Variants in LYPD6 observed in about 807,000 individuals in gnomAD.
The protein encoded by LYPD6 is LY6/PLAUR domain containing 6.
In LYPD6, 15 loss-of-function variants were observed where a neutral mutation model predicts 22.7. That is an observed-to-expected ratio of 0.66 (90% confidence interval 0.44 to 1.02). The LOEUF is 1.02. LYPD6 is among the 50% of genes least tolerant of loss of function. The probability of loss-of-function intolerance (pLI) is 0.00; values close to 1 mark genes in which losing one functional copy is unlikely to be tolerated. For synonymous variants in LYPD6, 72 were observed against 77.5 expected, an observed-to-expected ratio of 0.93 and a Z score of 0.37; for missense variants, 189 against 208.4, an observed-to-expected ratio of 0.91 and a Z score of 0.57.
In LYPD6 at chr2:149,441,397, A is replaced by C. The variant is rs191990840; in HGVS notation, c.118+3571A>C. On this transcript the variant is annotated intron_variant, in intron 2 of 4. Coordinates refer to ENST00000334166, the MANE Select transcript of LYPD6 (RefSeq NM_194317.5). ...GACACACACATTTTCTGTACCAGAC[A>C]AACAGAAGCTATTTTCTCCTCATTC... 1.3e-3 allele frequency among the ~76,000 whole-genome samples: 193 copies of C among 152,280 alleles called. 2 individuals carry two copies. Among genetic ancestry groups the C allele is most frequent in the Non-Finnish European group, 6.0e-4 (41 of 68,012 alleles).
chr2:149,364,451 C>T lies in LYPD6; in HGVS notation c.-72+33729C>T, dbSNP rs1161745424. 3.9e-5 allele frequency among the ~76,000 whole-genome samples: 6 copies of T among 152,122 alleles called. No homozygotes were observed. The East Asian group carries it at 1.2e-3, about 29-fold the overall frequency. On this transcript the variant is annotated intron_variant, in intron 1 of 4. Coordinates refer to ENST00000334166, the MANE Select transcript of LYPD6 (RefSeq NM_194317.5). ...AATTAATGAGTTTTGGCTGAGATGACACCTGACTTTTTACAGCATCTTGTT... is the reference window on the plus strand; with the variant it reads ...AATTAATGAGTTTTGGCTGAGATGATACCTGACTTTTTACAGCATCTTGTT...
chr2:149,458,822 TGGAAGGAACAAA>T (rs1455578172), intron 3 of LYPD6, among the ~76,000 whole-genome samples: 2 of 152,110 alleles, frequency 1.3e-5, no homozygotes, highest in African/African-American at 4.8e-5. Flanking sequence ...AACAGCAGAA[TGGAAGGAACAAA>T]GGGAAGAATT....
chr2:149,482,173 G>C, the LYPD6 span, among the ~76,000 whole-genome samples: 874 of 152,100 alleles, frequency 5.7e-3, 4 homozygotes, highest in African/African-American at 0.02. Flanking sequence ...AAAATTTCAA[G>C]ACACATTAAT....
At chr2:149,354,789 A>G (rs1681421698) in intron 1 of LYPD6, among the ~76,000 whole-genome samples, 1 of 152,230 alleles carries the variant, frequency 6.6e-6, no homozygotes, top group Non-Finnish European at 1.5e-5. Flanking sequence ...GTTCAAGAAT[A>G]TTAATGACCT....
At chr2:149,350,649 C>G (rs1681341937) in intron 1 of LYPD6, among the ~76,000 whole-genome samples, 1 of 152,194 alleles carries the variant, frequency 6.6e-6, no homozygotes, top group African/African-American at 2.4e-5. Flanking sequence ...TGGGTAGATG[C>G]TACCCATACT....
At chr2:149,394,351 T>G (rs891463924) in intron 1 of LYPD6, among the ~76,000 whole-genome samples, 1 of 152,118 alleles carries the variant, frequency 6.6e-6, no homozygotes, top group African/African-American at 2.4e-5. Context: ...AAAATAGTAG[T>G]AAAAGTAGCA....
At chr2:149,452,218 G>A (rs1427002433) in intron 3 of LYPD6, among the ~76,000 whole-genome samples, 4 of 152,180 alleles carry the variant, frequency 2.6e-5, no homozygotes, top group African/African-American at 9.7e-5. Context: ...CAAAATAGTG[G>A]AGCCAGGTGA....
chr2:149,459,493 G>A (rs752346335), intron 3 of LYPD6, among the ~76,000 whole-genome samples: 22 of 152,222 alleles, frequency 1.4e-4, no homozygotes, highest in Non-Finnish European at 2.5e-4. Flanking sequence ...CTACAATGCA[G>A]TACAACAGAA....
At chr2:149,400,171 G>A (rs554960358) in intron 1 of LYPD6, among the ~76,000 whole-genome samples, 3 of 152,346 alleles carry the variant, frequency 2.0e-5, no homozygotes, top group South Asian at 2.1e-4. Flanking sequence ...TGATGCGTGC[G>A]CTGCGTTGGC....
At chr2:149,397,329 T>A (rs1031988290) in intron 1 of LYPD6, among the ~76,000 whole-genome samples, 1 of 152,186 alleles carries the variant, frequency 6.6e-6, no homozygotes, top group African/African-American at 2.4e-5. Flanking sequence ...TTTTATTTAT[T>A]GTTTCAGTGT....
At chr2:149,468,858 C>G (rs918247155) in intron 4 of LYPD6, 83 bp downstream of exon 4, 40 of 1,423,666 alleles carry the variant, frequency 2.8e-5, no homozygotes, top group Non-Finnish European at 3.7e-5. Context: ...TGAGCAGATT[C>G]TTACTCCCCC....
In LYPD6 at chr2:149,449,045, T is replaced by C. The variant is rs1683750052; in HGVS notation, c.119-4T>C. On this transcript the variant is annotated splice_region_variant and splice_polypyrimidine_tract_variant and intron_variant, in intron 2 of 4. Coordinates refer to ENST00000334166, the MANE Select transcript of LYPD6 (RefSeq NM_194317.5). Reference sequence around the variant, plus strand: ...TAATCTTTTCTCTTAATCCTTTTTTTTAGCCACACCATATCCTGGTGGATT... The same window carrying C: ...TAATCTTTTCTCTTAATCCTTTTTTCTAGCCACACCATATCCTGGTGGATT... 1 of 1,607,306 alleles carries C rather than the reference T, an allele frequency of 6.2e-7. No individual in the cohort carries two copies. Among genetic ancestry groups the C allele is most frequent in the East Asian group, 2.2e-5 (1 of 44,790 alleles).
At chr2:149,407,350 C>T (rs931369072) in intron 1 of LYPD6, among the ~76,000 whole-genome samples, 14 of 152,190 alleles carry the variant, frequency 9.2e-5, no homozygotes, top group African/African-American at 3.4e-4. Flanking sequence ...TTCCATCCTC[C>T]CCATCACTTT....
intron 1 of LYPD6, among the ~76,000 whole-genome samples, chr2:149,429,129 A>G (rs1174464555): frequency 2.0e-5 from 3 of 152,130 alleles, no homozygotes; most frequent in Non-Finnish European, 4.4e-5. Context: ...GATTTCAATA[A>G]AAATGACACT....
At chr2:149,463,368 A>G (rs969340662) in intron 3 of LYPD6, among the ~76,000 whole-genome samples, 4 of 152,200 alleles carry the variant, frequency 2.6e-5, no homozygotes, top group African/African-American at 9.6e-5. Flanking sequence ...AAAATAAAGA[A>G]TAAGAAAAAT....
At chr2:149,479,337 A>G in the LYPD6 span, among the ~76,000 whole-genome samples, 1 of 152,180 alleles carries the variant, frequency 6.6e-6, no homozygotes, top group African/African-American at 2.4e-5. Context: ...TGATTCTTCC[A>G]TGCCTGTTAT....
intron 1 of LYPD6, among the ~76,000 whole-genome samples, chr2:149,334,496 A>C (rs1188708677): frequency 6.6e-6 from 1 of 152,240 alleles, no homozygotes; most frequent in Admixed American, 6.5e-5. Flanking sequence ...GCAAGTGCTG[A>C]GGATATTCCA....
intron 1 of LYPD6, among the ~76,000 whole-genome samples, chr2:149,388,106 G>A (rs552715910): frequency 4.0e-4 from 60 of 151,700 alleles, no homozygotes; most frequent in Middle Eastern, 3.5e-3. Flanking sequence ...AATATTCTAT[G>A]TCTTCTAAAT....
intron 1 of LYPD6, among the ~76,000 whole-genome samples, chr2:149,407,284 T>G (rs1456510922): frequency 2.6e-5 from 4 of 152,204 alleles, no homozygotes; most frequent in Non-Finnish European, 4.4e-5. Context: ...TGGCCTGCCT[T>G]GCCAGATTGG....
Sources: gnomAD v4.1 joint callset for allele counts (sites outside exome capture counted in the v4.1 genomes callset) on GRCh38, gnomAD v4.1.1 for gene constraint, MANE v1.5 for transcripts, NCBI Gene and HGNC (gene_info 2026-07-23, HGNC 2026-07-21) for gene names.